The following PPFIBP2 variants were observed in gnomAD, a reference collection of about 807,000 sequenced individuals.
The protein encoded by PPFIBP2 is PPFIB scaffold protein 2.
A neutral mutation model predicts 118.3 loss-of-function variants in PPFIBP2; 118 were observed. The observed-to-expected ratio is 1.00, with a 90% CI of 0.86 to 1.16. The LOEUF (loss-of-function observed/expected upper bound fraction) is 1.16, where lower values mean the gene tolerates loss of function less well. Ranked by LOEUF, PPFIBP2 falls within the 50% of genes most tolerant of loss-of-function variation. PPFIBP2 has a pLI of 0.00. For missense variants in PPFIBP2, 1,195 were observed against 1,073.1 expected (o/e 1.11, Z -1.59); for synonymous variants, 414 against 397.4 (o/e 1.04, Z -0.50).
At chr11:7,646,268 G>C (rs1179368744) in intron 17 of PPFIBP2, among the ~76,000 whole-genome samples, 4 of 152,224 alleles carry the variant, frequency 2.6e-5, no homozygotes, top group Non-Finnish European at 4.4e-5. Flanking sequence ...TCAATTCAAA[G>C]AATGTTTAAG....
At chr11:7,654,733 T>C (rs1854526204), downstream of PPFIBP2, among the ~76,000 whole-genome samples, 1 of 152,230 alleles carries the variant, frequency 6.6e-6, no homozygotes, top group East Asian at 1.9e-4. Context: ...GTTTCTTATG[T>C]TGCGGTACAG....
At chr11:7,527,556 GT>G in intron 1 of PPFIBP2, among the ~76,000 whole-genome samples, 1 of 152,260 alleles carries the variant, frequency 6.6e-6, no homozygotes, top group East Asian at 1.9e-4. Context: ...GAACAGACAT[GT>G]CCCCTGACTG....
chr11:7,606,717 A>C (rs1470724832), intron 5 of PPFIBP2, among the ~76,000 whole-genome samples: 4 of 152,108 alleles, frequency 2.6e-5, no homozygotes, highest in African/African-American at 9.7e-5. Context: ...TGTCTTCATC[A>C]GCTGGAACCA....
chr11:7,642,720 C>A (rs1169608731), intron 17 of PPFIBP2, among the ~76,000 whole-genome samples: 1 of 152,172 alleles, frequency 6.6e-6, no homozygotes, highest in African/African-American at 2.4e-5. Context: ...TTAGTCACCT[C>A]AAGATTGCCA....
intron 3 of PPFIBP2, among the ~76,000 whole-genome samples, chr11:7,573,720 C>T (rs969647429): frequency 1.3e-5 from 2 of 152,208 alleles, no homozygotes; most frequent in Admixed American, 6.5e-5. Context: ...CCCTTCTCAG[C>T]GGGCCCACTG....
chr11:7,625,593 A>G (rs1849887788), intron 7 of PPFIBP2, among the ~76,000 whole-genome samples, 184 bp from the exon 8 acceptor site: 2 of 152,222 alleles, frequency 1.3e-5, no homozygotes, highest in South Asian at 2.1e-4. Flanking sequence ...ATGGCCTAGA[A>G]GAGTGAGTTC....
rs1854883999 is a variant in PPFIBP2 at position 7,565,640 on chromosome 11, T to G, written c.152T>G (p.Leu51Arg). The G allele has an allele frequency of 1.9e-6, 3 of 1,614,188 alleles. No individual in the cohort carries two copies. Among genetic ancestry groups the G allele is most frequent in the Non-Finnish European group, 2.5e-6 (3 of 1,180,020 alleles). The change falls in exon 3 of 24, where the codon CTC (leucine) becomes CGC (arginine). Residue 51 changes from leucine (L) to arginine (R), a missense_variant. Transcript: ENST00000299492. ...TCCTACATGAACCCCTTCCCGGTGC[T>G]CCATCTCATCGAGGACTTGAGGCTG... ...PASYMNPFPV[L>R]HLIEDLRLAL...
At chr11:7,650,236 A>G (rs999698143) in intron 21 of PPFIBP2, among the ~76,000 whole-genome samples, 4 of 152,166 alleles carry the variant, frequency 2.6e-5, no homozygotes, top group Non-Finnish European at 5.9e-5. Context: ...GTCACATCCT[A>G]TCTCCTCTGT....
chr11:7,653,878 T>C, downstream of PPFIBP2: 2 of 1,008,670 alleles, frequency 2.0e-6, no homozygotes, highest in Non-Finnish European at 2.5e-6. Context: ...CTCAGCCAGG[T>C]GCATGCTCAG....
intron 5 of PPFIBP2, chr11:7,605,993 TGAG>T (rs1458885131): frequency 1.4e-5 from 21 of 1,535,384 alleles, no homozygotes; most frequent in African/African-American, 9.6e-5. Flanking sequence ...TGGAAGCTAT[TGAG>T]GAGACGGAGT....
intron 3 of PPFIBP2, chr11:7,569,033 C>T (rs552536793): frequency 6.6e-6 from 1 of 152,374 alleles, no homozygotes; most frequent in Admixed American, 6.5e-5. Context: ...GGCACTGGAG[C>T]ATCTGTGGTC....
chr11:7,553,714 C>T (rs538925549), intron 2 of PPFIBP2, among the ~76,000 whole-genome samples: 27 of 152,210 alleles, frequency 1.8e-4, no homozygotes, highest in Admixed American at 8.5e-4. Context: ...GATAAGGCAC[C>T]TAGAAAGTGC....
At chr11:7,581,820 TATAGATAG>T (rs527705965) in intron 3 of PPFIBP2, among the ~76,000 whole-genome samples, 38 of 152,110 alleles carry the variant, frequency 2.5e-4, no homozygotes, top group African/African-American at 8.2e-4. Flanking sequence ...TAAACAATTC[TATAGATAG>T]ATAGATAGAT....
chr11:7,583,880 T>A (rs1471705344), intron 3 of PPFIBP2, among the ~76,000 whole-genome samples: 1 of 152,200 alleles, frequency 6.6e-6, no homozygotes, highest in Non-Finnish European at 1.5e-5. Flanking sequence ...ATGTCTGTAT[T>A]GGGAAGGCTA....
chr11:7,656,056 T>C (rs1205954931), downstream of PPFIBP2, among the ~76,000 whole-genome samples: 1 of 152,200 alleles, frequency 6.6e-6, no homozygotes, highest in Non-Finnish European at 1.5e-5. Flanking sequence ...TGCTCTGACT[T>C]CACTAGCTCT....
downstream of PPFIBP2, chr11:7,653,806 G>A: frequency 1.5e-5 from 18 of 1,194,490 alleles, no homozygotes; most frequent in South Asian, 2.8e-4. Flanking sequence ...AGAGCTGAGG[G>A]TAGCTGGAAA....
At chr11:7,649,024 G>A in intron 19 of PPFIBP2, 113 bp downstream of exon 19, 1 of 1,330,228 alleles carries the variant, frequency 7.5e-7, no homozygotes, top group Non-Finnish European at 1.1e-6. Flanking sequence ...AAAAAGCAGA[G>A]GAATTACTAA....
intron 11 of PPFIBP2, chr11:7,632,617 T>C (rs74432962): frequency 0.018 from 7,451 of 413,506 alleles, 86 homozygotes; most frequent in Middle Eastern, 0.041. Flanking sequence ...AGGACTGTAC[T>C]ACTGGGATAT....
At chr11:7,638,945 T>C (rs1490747640) in intron 14 of PPFIBP2, among the ~76,000 whole-genome samples, 1 of 152,252 alleles carries the variant, frequency 6.6e-6, no homozygotes. Context: ...AGGAGCTTTG[T>C]TGGCATGTAG....
Sources: allele counts gnomAD v4.1 joint callset (sites outside exome capture counted in the v4.1 genomes callset), GRCh38; gene constraint gnomAD v4.1.1; transcripts MANE v1.5; gene names NCBI Gene and HGNC (gene_info 2026-07-23, HGNC 2026-07-21).